The following TOPBP1 variants were observed in gnomAD, a reference collection of about 807,000 sequenced individuals.
The protein encoded by TOPBP1 is DNA topoisomerase II binding protein 1.
Under a neutral mutation model 167.7 loss-of-function variants are expected in TOPBP1, and 28 were observed. The observed-to-expected ratio is 0.17, with a 90% CI of 0.12 to 0.23. The LOEUF (loss-of-function observed/expected upper bound fraction) is 0.23. TOPBP1 is among the 10% of genes least tolerant of loss of function. TOPBP1 has a pLI of 1.00. For missense variants in TOPBP1, 1,554 were observed against 1,809.6 expected (o/e 0.86, Z 2.56); for synonymous variants, 598 against 611.4 (o/e 0.98, Z 0.32).
chr3:133,651,853 G>A (rs1042879511), intron 8 of TOPBP1, among the ~76,000 whole-genome samples: 3 of 152,032 alleles, frequency 2.0e-5, no homozygotes, highest in Non-Finnish European at 1.5e-5. Flanking sequence ...ACTTAAATGC[G>A]ATTTTATATA....
chr3:133,623,183 A>G lies in TOPBP1; in HGVS notation c.3086T>C (p.Leu1029Ser). 1 of 1,612,072 alleles carries G rather than the reference A, an allele frequency of 6.2e-7. No individual in the cohort carries two copies. The highest frequency in any genetic ancestry group is 8.5e-7 in the Non-Finnish European group (1 of 1,178,922). ...SSTKDDEPDP[L>S]ILEENDVDNM... ...GTCTACATCATTTTCTTCTAAAATC[A>G]AAGGATCTGGCTATTGAAAAAGAAA... Residue 1029 changes from leucine (L) to serine (S), a missense_variant, in exon 19 of 28, where the codon TTG becomes TCG. Physicochemically the swap from Leu to Ser is moderately radical, Grantham distance 145. This residue lies in a region of TOPBP1 where 1,197 missense variants were observed against 1,351.5 expected (regional missense o/e 0.89). Coordinates refer to ENST00000260810, the MANE Select transcript of TOPBP1 (RefSeq NM_007027.4).
At position 133,638,023 on chromosome 3, in the gene TOPBP1, G is replaced by C. The variant is rs933367987; in HGVS notation, c.2373C>G (p.Phe791Leu). The change falls in exon 14 of 28, where the codon TTC becomes TTG. Residue 791 changes from phenylalanine (F) to leucine (L), a missense_variant. Phe to Leu is a conservative substitution (Grantham distance 22). Coordinates refer to ENST00000260810, the MANE Select transcript of TOPBP1 (RefSeq NM_007027.4). ...TGGCATGTTGTGAGACCACAGCACG[G>C]AAAGCTTTACTCTGAAAGCGGTTCA... is the stretch of plus-strand genomic sequence containing the variant. ...LDMNRFQSKA[F>L]RAVVSQHARQ... 1.4e-5 allele frequency: 22 copies of C among 1,613,886 alleles called. No homozygotes were observed. Among genetic ancestry groups the C allele is most frequent in the Non-Finnish European group, 1.8e-5 (21 of 1,179,886 alleles).
At position 133,630,574 on chromosome 3, in the gene TOPBP1, A is replaced by T. The variant is rs138769271; in HGVS notation, c.2521-1841T>A. ...TGGCCTCCCAAAGTGCTGGGATTAC[A>T]GGTGTGAGTCACGGTGACTCGCTGT... On this transcript the variant is annotated intron_variant, in intron 14 of 27. Coordinates refer to ENST00000260810, the MANE Select transcript of TOPBP1 (RefSeq NM_007027.4). 5.9e-5 allele frequency among the ~76,000 whole-genome samples: 9 copies of T among 152,072 alleles called. No individual in the cohort carries two copies. The East Asian group carries it at 1.7e-3, about 29-fold the overall frequency.
rs184600255 is a variant in TOPBP1, at chr3:133,652,482, T to C, written c.1070A>G (p.Asp357Gly). ...ACGTACCCGACAACCATCTAATAAA[T>C]CTTCAGGTGCTTGAAATGCACTGAC... The part of the protein sequence containing the change: ...LDVSAFQAPE[D>G]LLDGCRIYLC... The change falls in exon 8 of 28, where the codon GAT becomes GGT. Residue 357 changes from aspartate (D) to glycine (G), a missense_variant. Coordinates refer to ENST00000260810, the MANE Select transcript of TOPBP1 (RefSeq NM_007027.4). 6.2e-7 allele frequency: 1 copy of C among 1,611,844 alleles called. No homozygotes were observed. The highest frequency in any genetic ancestry group is 8.5e-7 in the Non-Finnish European group (1 of 1,179,830).
At chr3:133,646,989 A>C (rs1017577445) in intron 10 of TOPBP1, among the ~76,000 whole-genome samples, 2 of 152,254 alleles carry the variant, frequency 1.3e-5, no homozygotes, top group Non-Finnish European at 2.9e-5. Context: ...GCAGTAACCC[A>C]GACCCTTGGA....
intron 25 of TOPBP1, among the ~76,000 whole-genome samples, chr3:133,610,086 A>C (rs949320626): frequency 6.6e-6 from 1 of 152,230 alleles, no homozygotes; most frequent in Admixed American, 6.5e-5. Context: ...ACAATAACTA[A>C]TATGGCTTTC....
chr3:133,635,636 T>C (rs1478245644), intron 14 of TOPBP1, among the ~76,000 whole-genome samples: 1 of 152,162 alleles, frequency 6.6e-6, no homozygotes, highest in East Asian at 1.9e-4. Context: ...CAACTTATAA[T>C]AGCAAGTATC....
rs1378611783 is a variant in TOPBP1 at position 133,661,874 on chromosome 3, C to G, written c.-113G>C. On this transcript the variant is annotated 5_prime_UTR_variant, in exon 1 of 28. Transcript: ENST00000260810. ...CCCGGCGCACAGCCCCCTCCCCCGACTCGGCGCCGCCCCTACCCCAAAGCA... is the reference window on the plus strand; with the variant it reads ...CCCGGCGCACAGCCCCCTCCCCCGAGTCGGCGCCGCCCCTACCCCAAAGCA... 6.6e-6 allele frequency: 1 copy of G among 152,270 alleles called. No individual in the cohort carries two copies. Among genetic ancestry groups the G allele is most frequent in the Non-Finnish European group, 1.5e-5 (1 of 68,060 alleles). 9.4% of individuals were successfully genotyped at this position (152,270 alleles called of 1,614,324 possible). A position where few individuals can be genotyped will look rare whatever the true frequency, so the allele number is the denominator to read the frequency against.
intron 5 of TOPBP1, 106 bp downstream of exon 5, chr3:133,656,570 A>T: frequency 9.2e-7 from 1 of 1,084,620 alleles, no homozygotes; most frequent in Non-Finnish European, 1.3e-6. Flanking sequence ...GAGTAATGAC[A>T]CTATTTTTTT....
At position 133,608,639 on chromosome 3, in the gene TOPBP1, A is replaced by G; in HGVS notation, c.4321T>C (p.Leu1441=). 2 of 1,613,770 alleles carry G rather than the reference A, an allele frequency of 1.2e-6. No individual in the cohort carries two copies. Among genetic ancestry groups the G allele is most frequent in the South Asian group, 2.2e-5 (2 of 91,082 alleles). ...FKEATHLFSD[L]NKLKPDDSGV... is the part of the protein sequence containing the mutation. ...GAGTCATCTGGTTTCAGTTTATTCA[A>G]GTCAGAAAAAAGATGTGTGGCCTCT... The change falls in exon 27 of 28, where the codon TTG becomes CTG. Residue 1441 remains leucine (L), a synonymous_variant. Transcript: ENST00000260810.
Position 133,643,302 on chromosome 3 carries a change from A to G in TOPBP1, c.1919T>C (p.Met640Thr), listed in dbSNP as rs2107814185. ...SNPLFTPVPV[M>T]TGMTPLEDCV... is the part of the protein sequence containing the mutation. ...ATCCTCTAAAGGAGTCATTCCTGTC[A>G]TTACTGGAACTGGTGTGAAGAGAGG... The change falls in exon 12 of 28, where the codon ATG becomes ACG. Residue 640 changes from methionine (M) to threonine (T), a missense_variant. Met to Thr is a moderately conservative substitution (Grantham distance 81). Around this residue, in one of 3 missense-constraint regions of TOPBP1, gnomAD observed 1,197 missense variants for 1,351.5 expected, o/e 0.89. Coordinates refer to ENST00000260810, the MANE Select transcript of TOPBP1 (RefSeq NM_007027.4). 3 of 1,613,170 alleles carry G rather than the reference A, an allele frequency of 1.9e-6. No homozygotes were observed. The highest frequency in any genetic ancestry group is 4.5e-5 in the East Asian group (2 of 44,808).
rs754324735 is a variant in TOPBP1, at chr3:133,620,337, C to T, written c.3189G>A (p.Gln1063=). ...GAAAGTTCTCTCTCATCTCTAAGGTCTGTGTCAGAACTTGAAACAAACACA... is the reference window on the plus strand; with the variant it reads ...GAAAGTTCTCTCTCATCTCTAAGGTTTGTGTCAGAACTTGAAACAAACACA... The part of the protein sequence containing the change: ...GKNDSKGVLT[Q]TLEMRENFQK... The change falls in exon 20 of 28, where the codon CAG becomes CAA. Residue 1063 remains glutamine (Q), a synonymous_variant. Transcript: ENST00000260810. The T allele has an allele frequency of 1.5e-5, 25 of 1,613,104 alleles. No individual in the cohort carries two copies. The highest frequency in any genetic ancestry group is 2.0e-5 in the Non-Finnish European group (24 of 1,179,616).
At chr3:133,623,855 TA>T (rs1309702655) in intron 17 of TOPBP1, among the ~76,000 whole-genome samples, 196 bp downstream of exon 17, 2 of 152,262 alleles carry the variant, frequency 1.3e-5, no homozygotes, top group Non-Finnish European at 2.9e-5. Flanking sequence ...GAGTATCCAT[TA>T]AAGATTTGTT....
chr3:133,644,487 CGT>C, intron 10 of TOPBP1, 124 bp from the exon 11 acceptor site: 1 of 940,632 alleles, frequency 1.1e-6, no homozygotes, highest in Non-Finnish European at 1.6e-6. Context: ...CTAAAGCTTA[CGT>C]GTATAATAAA....
intron 23 of TOPBP1, among the ~76,000 whole-genome samples, chr3:133,613,016 T>A (rs11713205): frequency 6.6e-6 from 1 of 151,988 alleles, no homozygotes; most frequent in Non-Finnish European, 1.5e-5. Flanking sequence ...CACACCACTA[T>A]GGCCTGGCTA....
At chr3:133,623,041 A>C (rs1352922402) in intron 19 of TOPBP1, 50 bp downstream of exon 19, 1 of 1,146,594 alleles carries the variant, frequency 8.7e-7, no homozygotes, top group Non-Finnish European at 1.2e-6. Context: ...CAAAAAATTG[A>C]GACCTTGTCT....
In TOPBP1 at chr3:133,617,190, GT is replaced by G; in HGVS notation, c.3728del (p.Asn1243ThrfsTer13). The G allele has an allele frequency of 6.2e-7, 1 of 1,613,358 alleles. No individual in the cohort carries two copies. The highest frequency in any genetic ancestry group is 8.5e-7 in the Non-Finnish European group (1 of 1,179,686). ...QAPSIAFPLA[N>X]PPVAPHPREK... Reference sequence around the variant, plus strand: ...CTCTAGGGTGCGGAGCCACAGGGGGGTTGGCGAGTGGAAAGGCAATACTGGG... The same window carrying G: ...CTCTAGGGTGCGGAGCCACAGGGGGGTGGCGAGTGGAAAGGCAATACTGGG... On this transcript the variant is annotated frameshift_variant, in exon 22 of 28. Transcript: ENST00000260810. LOFTEE classifies it high-confidence loss of function.
At position 133,624,130 on chromosome 3, in the gene TOPBP1, C is replaced by A. The variant is rs1433300311; in HGVS notation, c.2850G>T (p.Arg950=). ...ETVTHFIYQG[R]PNDTNREYKS... is the part of the protein sequence containing the mutation. ...TATACTCCCGATTAGTGTCATTTGG[C>A]CGCCCTTGATAGATGAAATGAGTCA... The change falls in exon 17 of 28, where the codon CGG becomes CGT. Residue 950 remains arginine, a synonymous_variant. Transcript: ENST00000260810. The A allele has an allele frequency of 6.2e-7, 1 of 1,613,696 alleles. No homozygotes were observed. The highest frequency in any genetic ancestry group is 1.7e-5 in the Admixed American group (1 of 59,990).
At chr3:133,656,967 G>T in intron 4 of TOPBP1, 110 bp from the exon 5 acceptor site, 1 of 960,752 alleles carries the variant, frequency 1.0e-6, no homozygotes, top group Non-Finnish European at 1.4e-6. Flanking sequence ...ATACATAAGT[G>T]TTACATAACA....
Sources: allele counts gnomAD v4.1 joint callset (sites outside exome capture counted in the v4.1 genomes callset), GRCh38; gene constraint gnomAD v4.1.1; regional missense constraint gnomAD v4.1.1; transcripts MANE v1.5; gene names NCBI Gene and HGNC (gene_info 2026-07-23, HGNC 2026-07-21).